ANKRD44: variants seen among roughly 807,000 people sequenced by gnomAD.
ANKRD44 encodes the protein serine/threonine-protein phosphatase 6 regulatory ankyrin repeat subunit B.
In ANKRD44, 35 loss-of-function variants were observed where a neutral mutation model predicts 116.0. The observed-to-expected ratio is 0.30, with a 90% confidence interval of 0.23 to 0.40. The LOEUF (loss-of-function observed/expected upper bound fraction) is 0.40. Among genes scored for constraint, ANKRD44 ranks in the 10% least tolerant of loss-of-function variants. ANKRD44 has a pLI of 1.00. For synonymous variants in ANKRD44, 435 were observed against 461.8 expected, an observed-to-expected ratio of 0.94 and a Z score of 0.74; for missense variants, 1,014 against 1,242.6, an observed-to-expected ratio of 0.82 and a Z score of 2.77.
At chr2:197,095,074 A>G (rs1446508477) in intron 10 of ANKRD44, among the ~76,000 whole-genome samples, 1 of 152,150 alleles carries the variant, frequency 6.6e-6, no homozygotes, top group Non-Finnish European at 1.5e-5. Context: ...TTATTTCTCC[A>G]ACTAATCAGT....
intron 1 of ANKRD44, among the ~76,000 whole-genome samples, chr2:197,295,299 G>A (rs1240324048): frequency 4.6e-5 from 7 of 152,172 alleles, no homozygotes; most frequent in African/African-American, 1.4e-4. Flanking sequence ...ATTTTTTCCT[G>A]TAAAAGGCCA....
At chr2:197,193,639 G>A (rs906898616) in intron 1 of ANKRD44, among the ~76,000 whole-genome samples, 24 of 152,212 alleles carry the variant, frequency 1.6e-4, no homozygotes, top group Non-Finnish European at 1.5e-4. Flanking sequence ...CAGCACTTTG[G>A]GAGGCCGAGG....
At position 197,090,034 on chromosome 2, in the gene ANKRD44, T is replaced by C; in HGVS notation, c.1101-2A>G. Reference sequence around the variant, plus strand: ...GGGAACATGCTATGGATTCCACACCTGAGGAGTAAGAAAACAGAGCAACTC... The same window carrying C: ...GGGAACATGCTATGGATTCCACACCCGAGGAGTAAGAAAACAGAGCAACTC... On this transcript the variant is annotated splice_acceptor_variant, in intron 10 of 27. Coordinates refer to ENST00000282272, the MANE Select transcript of ANKRD44 (RefSeq NM_001195144.2). LOFTEE classifies it high-confidence loss of function. 6.2e-7 allele frequency: 1 copy of C among 1,612,984 alleles called. No homozygotes were observed. Among genetic ancestry groups the C allele is most frequent in the Non-Finnish European group, 8.5e-7 (1 of 1,179,048 alleles).
chr2:196,990,721 C>G, intron 27 of ANKRD44: 1 of 1,232,198 alleles, frequency 8.1e-7, no homozygotes, highest in Non-Finnish European at 1.0e-6. Context: ...TTGTACCCAT[C>G]CTCCGAGCCT....
intron 16 of ANKRD44, among the ~76,000 whole-genome samples, chr2:197,068,301 T>G (rs2077479686): frequency 7.2e-6 from 1 of 139,712 alleles, no homozygotes. Context: ...GCATGGCACA[T>G]GTATACATAT....
chr2:197,065,283 C>T (rs2077406846), intron 16 of ANKRD44, among the ~76,000 whole-genome samples: 1 of 152,196 alleles, frequency 6.6e-6, no homozygotes, highest in Non-Finnish European at 1.5e-5. Context: ...ATACCAGAAT[C>T]TCTGGGACAC....
chr2:197,273,972 A>G lies in ANKRD44; in HGVS notation c.27+36606T>C, dbSNP rs1402355704. Among the ~76,000 whole-genome samples, 52 of 30,544 alleles carry G rather than the reference A, an allele frequency of 1.7e-3. 4 individuals carry two copies. The highest frequency in any genetic ancestry group is 5.0e-3 in the African/African-American group (50 of 10,020). The allele number at this position is 30,544 out of a possible 152,430, so 20.0% of individuals were successfully genotyped here. ...AGTCAACCAACCACAAAAAAAAAAA[A>G]AAAAAAAAATATATATATATATATA... is the stretch of plus-strand genomic sequence containing the variant. On this transcript the variant is annotated intron_variant, in intron 1 of 27. Transcript: ENST00000282272.
intron 21 of ANKRD44, among the ~76,000 whole-genome samples, chr2:196,980,530 ACAGC>A (rs1356470802): frequency 6.6e-6 from 1 of 152,212 alleles, no homozygotes; most frequent in Non-Finnish European, 1.5e-5. Flanking sequence ...TTTCACCTAA[ACAGC>A]AATATAGAAT....
At chr2:197,088,671 T>A in intron 12 of ANKRD44, 40 bp downstream of exon 12, 1 of 1,418,618 alleles carries the variant, frequency 7.0e-7, no homozygotes, top group Non-Finnish European at 9.8e-7. Context: ...TAAAGATGAA[T>A]TAGTAACTCA....
chr2:196,994,233 A>AGTG, intron 26 of ANKRD44, among the ~76,000 whole-genome samples: 1 of 151,994 alleles, frequency 6.6e-6, no homozygotes, highest in South Asian at 2.1e-4. Flanking sequence ...CCCAGGCTGG[A>AGTG]GTGCAGTGGC....
rs2076566142 is a variant in ANKRD44, at chr2:197,025,071, C to T, written c.1722+125G>A. ...CTGTCTCCACAGCCTGTGCCTTTTA[C>T]CACGGACTACTTTCACTACCACTCA... On this transcript the variant is annotated intron_variant, in intron 17 of 27. Coordinates refer to ENST00000282272, the MANE Select transcript of ANKRD44 (RefSeq NM_001195144.2). 4 of 916,394 alleles carry T rather than the reference C, an allele frequency of 4.4e-6. No homozygotes were observed. In the South Asian group the frequency reaches 5.4e-5, roughly 12 times the overall value. The allele number at this position is 916,394 out of a possible 1,614,324, so 56.8% of individuals were successfully genotyped here.
chr2:197,286,380 C>CTTT (rs66811937), intron 1 of ANKRD44, among the ~76,000 whole-genome samples: 12 of 146,476 alleles, frequency 8.2e-5, no homozygotes, highest in East Asian at 4.0e-4. Flanking sequence ...TTTTTTTTTT[C>CTTT]TTTTTTTTTT....
intron 21 of ANKRD44, among the ~76,000 whole-genome samples, chr2:196,970,308 T>C (rs1559387855): frequency 6.6e-6 from 1 of 152,170 alleles, no homozygotes; most frequent in Non-Finnish European, 1.5e-5. Flanking sequence ...AGTTTCTCTG[T>C]TGACTAACGG....
intron 1 of ANKRD44, among the ~76,000 whole-genome samples, chr2:197,289,681 T>A (rs1269564929): frequency 6.6e-6 from 1 of 152,236 alleles, no homozygotes; most frequent in South Asian, 2.1e-4. Context: ...AGACAGCAGA[T>A]CAGTATTTGC....
In ANKRD44 at chr2:196,987,191, C is replaced by T. The variant is rs574532840; in HGVS notation, c.*2400G>A. On this transcript the variant is annotated 3_prime_UTR_variant, in exon 28 of 28. Transcript: ENST00000282272. ...AATACTGACCTATGGTTTATAGTTTCGTAAGACGAAAGCATTTTAGCACTG... is the reference window on the plus strand; with the variant it reads ...AATACTGACCTATGGTTTATAGTTTTGTAAGACGAAAGCATTTTAGCACTG... 6.3e-5 allele frequency: 62 copies of T among 985,354 alleles called. No homozygotes were observed. The South Asian group carries it at 9.4e-4, about 15-fold the overall frequency. 61.0% of individuals were successfully genotyped at this position (985,354 alleles called of 1,614,324 possible).
chr2:197,048,997 C>T (rs1432323831), intron 16 of ANKRD44, among the ~76,000 whole-genome samples: 1 of 152,050 alleles, frequency 6.6e-6, no homozygotes, highest in Non-Finnish European at 1.5e-5. Flanking sequence ...GGAGAAGTGT[C>T]TGTTCATATC....
At chr2:197,014,421 A>G (rs1346339308) in intron 17 of ANKRD44, among the ~76,000 whole-genome samples, 1 of 152,270 alleles carries the variant, frequency 6.6e-6, no homozygotes, top group East Asian at 1.9e-4. Context: ...TTCATTATAG[A>G]AACAATTATG....
At chr2:196,973,911 G>A (rs2075737704) in intron 21 of ANKRD44, among the ~76,000 whole-genome samples, 1 of 152,018 alleles carries the variant, frequency 6.6e-6, no homozygotes. Context: ...AGACTTTTAT[G>A]TTATCTGTGA....
In ANKRD44 at chr2:197,008,963, C is replaced by G. The variant is rs1456347739; in HGVS notation, c.1993G>C (p.Val665Leu). 1.2e-6 allele frequency: 2 copies of G among 1,614,172 alleles called. No homozygotes were observed. The highest frequency in any genetic ancestry group is 1.1e-5 in the South Asian group (1 of 91,090). Residue 665 changes from valine (V) to leucine (L), a missense_variant, in exon 19 of 28, where the codon GTG becomes CTG. By Grantham distance (32) the Val-to-Leu change is conservative (BLOSUM62 1). Coordinates refer to ENST00000282272, the MANE Select transcript of ANKRD44 (RefSeq NM_001195144.2). ...EIADNPEAVD[V>L]KDAKGQTPLM... is the part of the protein sequence containing the mutation. ...ACTTACTGTCCTTTGGCATCTTTCA[C>G]ATCGACCGCCTCCGGGTTGTCTGCA...
Sources: allele counts gnomAD v4.1 joint callset (sites outside exome capture counted in the v4.1 genomes callset), GRCh38; gene constraint gnomAD v4.1.1; transcripts MANE v1.5; gene names NCBI Gene and HGNC (gene_info 2026-07-23, HGNC 2026-07-21).